DENND4C: variants seen among roughly 807,000 people sequenced by gnomAD.
DENND4C encodes DENN domain containing 4C.
A neutral mutation model predicts 203.0 loss-of-function variants in DENND4C; 108 were observed. That is an observed-to-expected ratio of 0.53 (90% CI 0.46 to 0.62). The LOEUF is 0.62. DENND4C is among the 20% of genes least tolerant of loss of function. The pLI is 0.00. For synonymous variants in DENND4C, 871 were observed against 792.4 expected (o/e 1.10, Z -1.67); for missense variants, 2,481 against 2,301.2 (o/e 1.08, Z -1.60).
intron 20 of DENND4C, chr9:19,337,631 C>G: frequency 7.8e-7 from 1 of 1,287,662 alleles, no homozygotes; most frequent in South Asian, 1.2e-5. Flanking sequence ...GCTATGGATA[C>G]ACGTGTGCAT....
chr9:19,338,624 A>G (rs1341854750), intron 20 of DENND4C, among the ~76,000 whole-genome samples: 2 of 152,178 alleles, frequency 1.3e-5, no homozygotes, highest in Non-Finnish European at 2.9e-5. Context: ...ATTAAGGATT[A>G]TCTCGTGGAA....
chr9:19,351,866 A>T (rs114000772), intron 24 of DENND4C, among the ~76,000 whole-genome samples: 1 of 152,012 alleles, frequency 6.6e-6, no homozygotes, highest in Non-Finnish European at 1.5e-5. Flanking sequence ...AAAGAATCGT[A>T]TAATGAACAA....
intron 16 of DENND4C, 100 bp from the exon 17 acceptor site, chr9:19,331,878 G>A: frequency 8.9e-7 from 1 of 1,129,584 alleles, no homozygotes; most frequent in African/African-American, 1.6e-5. Flanking sequence ...ATTTTAGGGG[G>A]TCAAGTTTTA....
At chr9:19,347,171 AT>A (rs1823108651) in intron 23 of DENND4C, 85 bp downstream of exon 23, 1 of 1,337,096 alleles carries the variant, frequency 7.5e-7, no homozygotes, top group Non-Finnish European at 1.0e-6. Context: ...TTGTTCAGAG[AT>A]TTCTGTGCCC....
intron 23 of DENND4C, 50 bp downstream of exon 23, chr9:19,347,136 T>C (rs1020219876): frequency 6.7e-7 from 1 of 1,485,206 alleles, no homozygotes; most frequent in Non-Finnish European, 9.2e-7. Flanking sequence ...GTGTTTATAG[T>C]ATCTTTCTAG....
chr9:19,352,921 G>A (rs1055590290), intron 26 of DENND4C, among the ~76,000 whole-genome samples: 1 of 152,048 alleles, frequency 6.6e-6, no homozygotes, highest in African/African-American at 2.4e-5. Context: ...ATTGCTTGAG[G>A]TCAGGAGTTC....
At chr9:19,248,709 C>G (rs886959391) in intron 1 of DENND4C, among the ~76,000 whole-genome samples, 3 of 151,804 alleles carry the variant, frequency 2.0e-5, no homozygotes, top group Non-Finnish European at 4.4e-5. Flanking sequence ...TTATTTACTT[C>G]TTCAGAGAGG....
At chr9:19,298,755 A>C (rs568238198) in intron 7 of DENND4C, among the ~76,000 whole-genome samples, 74 of 152,296 alleles carry the variant, frequency 4.9e-4, no homozygotes, top group African/African-American at 1.7e-3. Flanking sequence ...TACTTTCAGT[A>C]GCACTGATCT....
At chr9:19,336,138 T>C (rs1008881885) in intron 18 of DENND4C, 132 bp from the exon 19 acceptor site, 31 of 740,350 alleles carry the variant, frequency 4.2e-5, no homozygotes, top group Non-Finnish European at 5.6e-5. Context: ...TTTTTTAATA[T>C]ACCTCTTGGC....
chr9:19,298,181 AG>A, intron 7 of DENND4C, 59 bp downstream of exon 7: 1 of 1,476,364 alleles, frequency 6.8e-7, no homozygotes, highest in Admixed American at 1.7e-5. Context: ...GAGTCATTGC[AG>A]AGTGGATTCT....
In DENND4C at chr9:19,300,237, C is replaced by T. The variant is rs540647925; in HGVS notation, c.1217C>T (p.Ala406Val). The T allele has an allele frequency of 1.9e-6, 3 of 1,612,750 alleles. No individual in the cohort carries two copies. The highest frequency in any genetic ancestry group is 2.2e-5 in the South Asian group (2 of 90,926). Residue 406 changes from alanine to valine, a missense_variant, in exon 9 of 33, where the codon GCA (alanine) becomes GTA (valine). Physicochemically the swap from Ala to Val is moderately conservative, Grantham distance 64. Coordinates refer to ENST00000434457, the MANE Select transcript of DENND4C (RefSeq NM_001330640.2). ...LLMNLGPENC[A>V]TLLLFVLLES... ...ATGAATCTGGGTCCTGAGAATTGTG[C>T]AACACTGCTGCTCTTTGTTTTACTT...
chr9:19,282,777 T>TA (rs1487869602), intron 2 of DENND4C, among the ~76,000 whole-genome samples: 2 of 139,020 alleles, frequency 1.4e-5, no homozygotes, highest in African/African-American at 5.2e-5. Context: ...AGTGCAGTGG[T>TA]ATGATTGGGG....
chr9:19,321,006 G>A (rs985187785), intron 12 of DENND4C, among the ~76,000 whole-genome samples: 3 of 152,208 alleles, frequency 2.0e-5, no homozygotes, highest in African/African-American at 7.2e-5. Flanking sequence ...GTTTGAAATG[G>A]TGGCATTAAC....
rs548557833 is a variant in DENND4C, at chr9:19,261,847, C to T, written c.-17-14311C>T. On this transcript the variant is annotated intron_variant, in intron 1 of 32. Coordinates refer to ENST00000434457, the MANE Select transcript of DENND4C (RefSeq NM_001330640.2). ...GTGTGTTCTCTTTAATTTCTTGCAT[C>T]AATTATTTATTGTTTTAGTTGTAGC... 4.0e-5 allele frequency among the ~76,000 whole-genome samples: 6 copies of T among 151,722 alleles called. No individual in the cohort carries two copies. In the East Asian group the frequency reaches 1.2e-3, roughly 30 times the overall value.
intron 22 of DENND4C, among the ~76,000 whole-genome samples, chr9:19,345,366 A>G (rs1408257381): frequency 6.6e-6 from 1 of 152,208 alleles, no homozygotes; most frequent in Admixed American, 6.5e-5. Flanking sequence ...CTACTAGTAG[A>G]CGTTTAGTAT....
At chr9:19,261,874 A>G (rs11506421) in intron 1 of DENND4C, among the ~76,000 whole-genome samples, 2,040 of 151,512 alleles carry the variant, frequency 0.013, 41 homozygotes, top group African/African-American at 0.047. Context: ...AGTTGTAGCA[A>G]TTTTTTACTT....
chr9:19,328,313 A>G, intron 16 of DENND4C, 151 bp downstream of exon 16: 3 of 869,004 alleles, frequency 3.5e-6, no homozygotes. Flanking sequence ...TTGCAAGCCT[A>G]CTTAAAATAT....
At chr9:19,233,388 G>C (rs1203110057) in intron 1 of DENND4C, among the ~76,000 whole-genome samples, 1 of 152,028 alleles carries the variant, frequency 6.6e-6, no homozygotes, top group Non-Finnish European at 1.5e-5. Context: ...TAGTACAGCT[G>C]GTGTAAAACA....
chr9:19,253,821 G>A (rs1198470821), intron 1 of DENND4C, among the ~76,000 whole-genome samples: 3 of 152,012 alleles, frequency 2.0e-5, no homozygotes, highest in Non-Finnish European at 4.4e-5. Context: ...GATATTAATG[G>A]CATTTATTAG....
Sources: gnomAD v4.1 joint callset for allele counts (sites outside exome capture counted in the v4.1 genomes callset) on GRCh38, gnomAD v4.1.1 for gene constraint, MANE v1.5 for transcripts, NCBI Gene and HGNC (gene_info 2026-07-23, HGNC 2026-07-21) for gene names.